The following VPS54 variants were observed in gnomAD, a reference collection of about 807,000 sequenced individuals.
VPS54 encodes the protein VPS54 subunit of GARP complex.
Under a neutral mutation model 121.5 loss-of-function variants are expected in VPS54, and 45 were observed. The observed-to-expected ratio is 0.37, with a 90% CI of 0.29 to 0.47. VPS54 has a LOEUF of 0.47. Ranked by LOEUF, VPS54 falls within the 20% of genes least tolerant of loss-of-function variation. The probability of loss-of-function intolerance (pLI) is 0.99; values close to 1 mark genes in which losing one functional copy is unlikely to be tolerated. For missense variants in VPS54, 1,090 were observed against 1,131.4 expected (o/e 0.96, Z 0.52); for synonymous variants, 371 against 385.8 (o/e 0.96, Z 0.45).
chr2:63,978,888 G>A (rs1676669623), intron 3 of VPS54, among the ~76,000 whole-genome samples: 1 of 152,140 alleles, frequency 6.6e-6, no homozygotes, highest in South Asian at 2.1e-4. Flanking sequence ...CCAAAGTGTG[G>A]GGATTACAAG....
intron 2 of VPS54, among the ~76,000 whole-genome samples, chr2:63,982,514 T>C (rs529330984): frequency 1.3e-3 from 203 of 152,370 alleles, no homozygotes; most frequent in Non-Finnish European, 2.6e-3. Context: ...TTGGTCACAA[T>C]AGTTTCATCA....
intron 1 of VPS54, among the ~76,000 whole-genome samples, chr2:64,007,088 G>T (rs1017419995): frequency 6.6e-6 from 1 of 152,158 alleles, no homozygotes; most frequent in Non-Finnish European, 1.5e-5. Context: ...AGAAAGTAGA[G>T]GGAAAACAGC....
intron 4 of VPS54, among the ~76,000 whole-genome samples, chr2:63,970,025 A>G (rs1341984195): frequency 6.6e-6 from 1 of 151,750 alleles, no homozygotes; most frequent in Non-Finnish European, 1.5e-5. Flanking sequence ...CAACTCAGAT[A>G]AGGTACTACT....
At chr2:63,911,654 T>C (rs1673154734) in intron 20 of VPS54, among the ~76,000 whole-genome samples, 1 of 152,198 alleles carries the variant, frequency 6.6e-6, no homozygotes, top group Non-Finnish European at 1.5e-5. Flanking sequence ...GTACCTGCTG[T>C]TCCTGCCATT....
chr2:63,988,332 C>T (rs150191195), intron 1 of VPS54, among the ~76,000 whole-genome samples: 28 of 152,300 alleles, frequency 1.8e-4, no homozygotes, highest in African/African-American at 6.7e-4. Context: ...GAACTATCTA[C>T]ATTCCTGAAA....
In VPS54 at chr2:63,947,493, G is replaced by T; in HGVS notation, c.1138-3C>A. ...AATACAAGAGATATTAGTCTTTCCTGTTAAAATAAAAGTATGTAACTTGAC... is the reference window on the plus strand; with the variant it reads ...AATACAAGAGATATTAGTCTTTCCTTTTAAAATAAAAGTATGTAACTTGAC... On this transcript the variant is annotated splice_polypyrimidine_tract_variant and splice_region_variant and intron_variant, in intron 8 of 22. Transcript: ENST00000272322. The T allele has an allele frequency of 6.7e-7, 1 of 1,489,302 alleles. No individual in the cohort carries two copies. Among genetic ancestry groups the T allele is most frequent in the Non-Finnish European group, 9.1e-7 (1 of 1,100,214 alleles). The allele number at this position is 1,489,302 out of a possible 1,614,324, so 92.3% of individuals were successfully genotyped here. A position where few individuals can be genotyped will look rare whatever the true frequency, so the allele number is the denominator to read the frequency against.
chr2:64,012,459 A>C (rs1678473952), intron 1 of VPS54, among the ~76,000 whole-genome samples: 1 of 150,352 alleles, frequency 6.7e-6, no homozygotes, highest in Non-Finnish European at 1.5e-5. Flanking sequence ...ACTGTTTAAA[A>C]AAAAAAAAAA....
intron 17 of VPS54, chr2:63,913,730 T>C: frequency 1.7e-6 from 1 of 576,624 alleles, no homozygotes; most frequent in Non-Finnish European, 2.2e-6. Flanking sequence ...TACTGGTAGT[T>C]TAAAATATCT....
intron 1 of VPS54, among the ~76,000 whole-genome samples, chr2:63,999,543 T>A (rs1677769640): frequency 6.6e-6 from 1 of 152,206 alleles, no homozygotes; most frequent in South Asian, 2.1e-4. Flanking sequence ...TTTGGGAATT[T>A]TATTATTAAA....
At chr2:63,939,280 GATAATCACT>G (rs1334870192) in intron 11 of VPS54, among the ~76,000 whole-genome samples, 1 of 152,038 alleles carries the variant, frequency 6.6e-6, no homozygotes, top group Non-Finnish European at 1.5e-5. Flanking sequence ...GCTGAGGCAA[GATAATCACT>G]TGATCCTGGG....
At position 63,912,632 on chromosome 2, in the gene VPS54, C is replaced by A. The variant is rs762077606; in HGVS notation, c.2452G>T (p.Val818Leu). The A allele has an allele frequency of 2.5e-6, 4 of 1,577,402 alleles. No homozygotes were observed. The highest frequency in any genetic ancestry group is 2.3e-5 in the East Asian group (1 of 43,638). Reference protein sequence around the residue: ...ALSSRCLQLIVHYIPVIRAHF... With the variant: ...ALSSRCLQLILHYIPVIRAHF... ...GCCCGGATCACAGGAATGTAGTGCA[C>A]AATTAACTGCAAACATCGTGAAGAA... The change falls in exon 19 of 23, where the codon GTG becomes TTG. Residue 818 changes from valine (V) to leucine (L), a missense_variant. This residue lies in a region of VPS54 where 289 missense variants were observed against 374.4 expected (regional missense o/e 0.77). Coordinates refer to ENST00000272322, the MANE Select transcript of VPS54 (RefSeq NM_016516.3).
chr2:63,973,170 G>A (rs928792307), intron 3 of VPS54, among the ~76,000 whole-genome samples: 1 of 152,114 alleles, frequency 6.6e-6, no homozygotes, highest in Admixed American at 6.5e-5. Context: ...AGTTCCTGTT[G>A]TTCTACATCC....
chr2:63,918,136 T>C (rs745988145), intron 15 of VPS54, among the ~76,000 whole-genome samples: 1 of 151,960 alleles, frequency 6.6e-6, no homozygotes, highest in Non-Finnish European at 1.5e-5. Flanking sequence ...GGACTTCTAA[T>C]AGCATACACC....
intron 18 of VPS54, 129 bp downstream of exon 18, chr2:63,913,094 T>C: frequency 1.4e-6 from 1 of 704,282 alleles, no homozygotes; most frequent in Admixed American, 3.6e-5. Context: ...AAAGAGTAAG[T>C]AGCATTTATT....
chr2:63,922,060 GAACT>G (rs1310225488), intron 12 of VPS54, among the ~76,000 whole-genome samples: 6 of 152,138 alleles, frequency 3.9e-5, no homozygotes, highest in African/African-American at 1.4e-4. Context: ...CAGTTCAACT[GAACT>G]AATATTTACT....
chr2:63,975,217 G>A (rs1676468799), intron 3 of VPS54: 2 of 531,702 alleles, frequency 3.8e-6, no homozygotes, highest in Non-Finnish European at 6.6e-6. Flanking sequence ...GACAGTGAAA[G>A]AGATCTGACC....
intron 7 of VPS54, among the ~76,000 whole-genome samples, chr2:63,957,094 TC>T (rs1166839922): frequency 1.3e-5 from 2 of 152,204 alleles, no homozygotes; most frequent in Non-Finnish European, 2.9e-5. Flanking sequence ...TCAATGATTA[TC>T]ATTTTTATTG....
rs970902942 is a variant in VPS54, at chr2:63,916,919, G to T, written c.2209C>A (p.Gln737Lys). The part of the protein sequence containing the change: ...KPAEVLIVEG[Q>K]QYAVVGTVLL... ...ACTCACCCAACAACTGCATACTGTT[G>T]TCCCTCGACAATAAGAACTTCAGCT... is the stretch of plus-strand genomic sequence containing the variant. The change falls in exon 16 of 23, where the codon CAA becomes AAA. Residue 737 changes from glutamine (Q) to lysine (K), a missense_variant. Coordinates refer to ENST00000272322, the MANE Select transcript of VPS54 (RefSeq NM_016516.3). The T allele has an allele frequency of 6.2e-7, 1 of 1,613,584 alleles. No individual in the cohort carries two copies. The highest frequency in any genetic ancestry group is 8.5e-7 in the Non-Finnish European group (1 of 1,179,650).
chr2:63,993,331 A>G (rs1677420114), intron 1 of VPS54, among the ~76,000 whole-genome samples: 2 of 152,210 alleles, frequency 1.3e-5, no homozygotes, highest in South Asian at 2.1e-4. Context: ...CAATCTCCGC[A>G]GTCCCAGGAC....
Sources: gnomAD v4.1 joint callset for allele counts (sites outside exome capture counted in the v4.1 genomes callset) on GRCh38, gnomAD v4.1.1 for gene constraint, gnomAD v4.1.1 regional missense constraint, MANE v1.5 for transcripts, NCBI Gene and HGNC (gene_info 2026-07-23, HGNC 2026-07-21) for gene names.